BAZ2A: variants seen among roughly 807,000 people sequenced by gnomAD.
BAZ2A encodes the protein bromodomain adjacent to zinc finger domain 2A.
A neutral mutation model predicts 199.9 loss-of-function variants in BAZ2A; 34 were observed. The observed-to-expected ratio is 0.17, with a 90% CI of 0.13 to 0.23. The LOEUF is 0.23. Among genes scored for constraint, BAZ2A ranks in the 10% least tolerant of loss-of-function variants. The pLI, the probability that BAZ2A is intolerant of heterozygous loss-of-function variation, is 1.00. For missense variants in BAZ2A, 2,002 were observed against 2,391.1 expected, an observed-to-expected ratio of 0.84 and a Z score of 3.39; for synonymous variants, 857 against 883.9, an observed-to-expected ratio of 0.97 and a Z score of 0.54.
At position 56,609,959 on chromosome 12, in the gene BAZ2A, G is replaced by C; in HGVS notation, c.1882-13C>G. ...CCCACTGCAAGCCCTAAGGTAGCAA[G>C]GGAGACTGTTACAGTAGTAAGGAAT... On this transcript the variant is annotated splice_polypyrimidine_tract_variant and intron_variant, in intron 9 of 28. Coordinates refer to ENST00000549884, the MANE Select transcript of BAZ2A (RefSeq NM_001300905.2). The C allele has an allele frequency of 6.2e-7, 1 of 1,611,298 alleles. No individual in the cohort carries two copies.
At position 56,604,237 on chromosome 12, in the gene BAZ2A, A is replaced by C; in HGVS notation, c.3018T>G (p.Ile1006Met). 6.2e-7 allele frequency: 1 copy of C among 1,608,104 alleles called. No individual in the cohort carries two copies. ...CCTACCTCCGGAGCCGGCCTTCAAC[A>C]ATCCACTTGTTTTTCCTGTAGCTGG... Reference protein sequence around the residue: ...SMSSYRKNKWIVEGRLRRLKT... With the variant: ...SMSSYRKNKWMVEGRLRRLKT... Residue 1006 changes from isoleucine to methionine, a missense_variant, in exon 16 of 29, where the codon ATT becomes ATG. By Grantham distance (10) the Ile-to-Met change is conservative (BLOSUM62 1). Around this residue, in one of 6 missense-constraint regions of BAZ2A, gnomAD observed 1,081 missense variants for 1,274.7 expected, o/e 0.85. Coordinates refer to ENST00000549884, the MANE Select transcript of BAZ2A (RefSeq NM_001300905.2).
In BAZ2A at chr12:56,617,420, G is replaced by C. The variant is rs1269878011; in HGVS notation, c.111C>G (p.Pro37=). 1.2e-6 allele frequency: 2 copies of C among 1,603,434 alleles called. No homozygotes were observed. Among genetic ancestry groups the C allele is most frequent in the African/African-American group, 1.3e-5 (1 of 74,672 alleles). ...SGEGLYTNGS[P]MNFPQQGKSL... is the part of the protein sequence containing the mutation. ...TTTTCCCTTGCTGGGGGAAGTTCAT[G>C]GGAGACCCGTTAGTGTAGAGGCCCT... The change falls in exon 2 of 29, where the codon CCC becomes CCG. Residue 37 remains proline (P), a synonymous_variant. Transcript: ENST00000549884.
At chr12:56,606,414 A>G in intron 11 of BAZ2A, 102 bp from the exon 12 acceptor site, 1 of 1,391,534 alleles carries the variant, frequency 7.2e-7, no homozygotes, top group South Asian at 1.2e-5. Flanking sequence ...GAGAGGTGAG[A>G]GATGGAATGA....
rs1202095055 is a variant in BAZ2A, at chr12:56,604,810, G to A, written c.2749-11C>T. ...CAAGATCTTTAGGGACTGTGTGGAG[G>A]ACAGCATAATGGGGGTGAGTAGGGA... is the stretch of plus-strand genomic sequence containing the variant. On this transcript the variant is annotated splice_polypyrimidine_tract_variant and intron_variant, in intron 14 of 28. Transcript: ENST00000549884. 1.2e-6 allele frequency: 2 copies of A among 1,611,666 alleles called. No individual in the cohort carries two copies. Among genetic ancestry groups the A allele is most frequent in the African/African-American group, 1.3e-5 (1 of 74,906 alleles).
intron 3 of BAZ2A, 183 bp downstream of exon 3, chr12:56,614,831 C>T (rs1950666028): frequency 4.4e-6 from 3 of 680,752 alleles, no homozygotes; most frequent in Non-Finnish European, 2.5e-6. Flanking sequence ...CTCCCACTCG[C>T]GAGCTGGTGC....
chr12:56,596,856 G>A lies in BAZ2A; in HGVS notation c.*1762C>T, dbSNP rs1012088501. On this transcript the variant is annotated 3_prime_UTR_variant, in exon 29 of 29. Transcript: ENST00000549884. ...AGAAATAGGCTATGAGGGAGAAGGG[G>A]CATAAAGGAATAAAGGGGCTGCCCC... The A allele has an allele frequency of 6.6e-6, 1 of 152,478 alleles. No individual in the cohort carries two copies. Among genetic ancestry groups the A allele is most frequent in the East Asian group, 1.9e-4 (1 of 5,184 alleles). 9.4% of individuals were successfully genotyped at this position (152,478 alleles called of 1,614,324 possible).
At chr12:56,614,544 A>G (rs1356649529) in intron 3 of BAZ2A, among the ~76,000 whole-genome samples, 1 of 152,198 alleles carries the variant, frequency 6.6e-6, no homozygotes, top group East Asian at 1.9e-4. Context: ...AAACAACAAA[A>G]AAAAGGAAAC....
At chr12:56,617,602 CA>C (rs1048518961) in intron 1 of BAZ2A, 70 bp from the exon 2 acceptor site, 1 of 1,487,246 alleles carries the variant, frequency 6.7e-7, no homozygotes, top group South Asian at 1.3e-5. Context: ...TGGAATCTTC[CA>C]GGGGCAATGA....
Position 56,613,249 on chromosome 12 carries a change from GAAAA to G in BAZ2A, c.917-20_917-17del. 4 of 1,610,246 alleles carry G rather than the reference GAAAA, an allele frequency of 2.5e-6. No individual in the cohort carries two copies. The highest frequency in any genetic ancestry group is 3.4e-6 in the Non-Finnish European group (4 of 1,176,820). On this transcript the variant is annotated splice_polypyrimidine_tract_variant and intron_variant, in intron 4 of 28. Transcript: ENST00000549884. ...CTCACTGGCTCTGTTTACAAGGGTA[GAAAA>G]ATCAGAGCAGGATAATGAGAAAAAA...
chr12:56,610,550 G>A, intron 7 of BAZ2A, 33 bp from the exon 8 acceptor site: 1 of 1,585,472 alleles, frequency 6.3e-7, no homozygotes, highest in Non-Finnish European at 8.6e-7. Flanking sequence ...CTGCCGCCAG[G>A]TCACACCCCT....
At chr12:56,605,453 A>C (rs1592569516) in intron 13 of BAZ2A, 126 bp from the exon 14 acceptor site, 8 of 1,045,760 alleles carry the variant, frequency 7.6e-6, no homozygotes, top group Non-Finnish European at 1.1e-5. Context: ...ATAGGGTCTC[A>C]CTCTGTCACC....
At chr12:56,609,078 C>T (rs1950471305) in intron 10 of BAZ2A, among the ~76,000 whole-genome samples, 1 of 151,840 alleles carries the variant, frequency 6.6e-6, no homozygotes, top group Non-Finnish European at 1.5e-5. Flanking sequence ...CGGGGTTTTA[C>T]CATGTTCGCC....
rs1950370488 is a variant in BAZ2A, at chr12:56,606,789, A to G, written c.2093-56T>C. ...TGAGGCAGGAAGGCAGTTCTCTAGC[A>G]TCCAGGGCAACACATGCCCGTCTCA... On this transcript the variant is annotated intron_variant, in intron 10 of 28. Coordinates refer to ENST00000549884, the MANE Select transcript of BAZ2A (RefSeq NM_001300905.2). 2.8e-6 allele frequency: 4 copies of G among 1,438,084 alleles called. No individual in the cohort carries two copies. In the Admixed American group the frequency reaches 6.7e-5, roughly 24 times the overall value. 89.1% of individuals were successfully genotyped at this position (1,438,084 alleles called of 1,614,324 possible). A position where few individuals can be genotyped will look rare whatever the true frequency, so the allele number is the denominator to read the frequency against.
rs771910756 is a variant in BAZ2A, at chr12:56,606,642, GAT to G, written c.2182_2183del (p.Ile728ProfsTer7). The part of the protein sequence containing the change: ...KVQRGECQTT[I>X]QGQARNKRKQ... ...CTCTGATGTCCCTCACCTGCCCTTG[GAT>G]AGTAGTCTGACACTCTCCCCGTTGA... is the stretch of plus-strand genomic sequence containing the variant. On this transcript the variant is annotated frameshift_variant, in exon 11 of 29. Transcript: ENST00000549884. LOFTEE classifies it high-confidence loss of function. 75 of 1,613,642 alleles carry G rather than the reference GAT, an allele frequency of 4.6e-5. No homozygotes were observed. The East Asian group carries it at 6.5e-4, about 14-fold the overall frequency.
At chr12:56,622,761 G>A (rs1262830069) in intron 1 of BAZ2A, among the ~76,000 whole-genome samples, 2 of 152,120 alleles carry the variant, frequency 1.3e-5, no homozygotes, top group Non-Finnish European at 2.9e-5. Flanking sequence ...CAAGCACCCA[G>A]CCCAGTCCCA....
chr12:56,605,007 G>A (rs1950298845), intron 14 of BAZ2A, 66 bp downstream of exon 14: 1 of 1,509,162 alleles, frequency 6.6e-7, no homozygotes, highest in African/African-American at 1.4e-5. Context: ...ATAAGGAAAA[G>A]AGAAACACTA....
At chr12:56,610,322 G>C in intron 8 of BAZ2A, 87 bp downstream of exon 8, 3 of 1,569,164 alleles carry the variant, frequency 1.9e-6, no homozygotes, top group Non-Finnish European at 2.6e-6. Context: ...CCAGCCTGTT[G>C]TCACTGAGCC....
chr12:56,607,316 G>A (rs540477331), intron 10 of BAZ2A, among the ~76,000 whole-genome samples: 1 of 152,334 alleles, frequency 6.6e-6, no homozygotes, highest in East Asian at 1.9e-4. Context: ...ACTTGTGGAA[G>A]TATAATTCTG....
intron 4 of BAZ2A, 133 bp downstream of exon 4, chr12:56,613,820 G>T: frequency 1.2e-6 from 1 of 861,026 alleles, no homozygotes; most frequent in Non-Finnish European, 1.7e-6. Context: ...ATGTAACTGT[G>T]GTCTGCCTTA....
Sources: gnomAD v4.1 joint callset for allele counts (sites outside exome capture counted in the v4.1 genomes callset) on GRCh38, gnomAD v4.1.1 for gene constraint, gnomAD v4.1.1 regional missense constraint, MANE v1.5 for transcripts, NCBI Gene and HGNC (gene_info 2026-07-23, HGNC 2026-07-21) for gene names.